Variants in NTRK2 observed in about 807,000 individuals in gnomAD.
The protein encoded by NTRK2 is BDNF/NT-3 growth factors receptor.
A neutral mutation model predicts 94.5 loss-of-function variants in NTRK2; 13 were observed. The observed-to-expected ratio is 0.14, with a 90% CI of 0.09 to 0.22. The LOEUF is 0.22. Ranked by LOEUF, NTRK2 falls within the 10% of genes least tolerant of loss-of-function variation. The pLI is 1.00. For synonymous variants in NTRK2, 372 were observed against 407.4 expected (o/e 0.91, Z 1.05); for missense variants, 639 against 1,071.2 (o/e 0.60, Z 5.63).
chr9:84,709,108 C>T (rs1166184587), intron 5 of NTRK2, among the ~76,000 whole-genome samples: 1 of 152,140 alleles, frequency 6.6e-6, no homozygotes, highest in Non-Finnish European at 1.5e-5. Context: ...TGGCACAGGG[C>T]CATGGGGATA....
chr9:84,771,627 T>C (rs1337381602), intron 12 of NTRK2, among the ~76,000 whole-genome samples: 1 of 152,214 alleles, frequency 6.6e-6, no homozygotes, highest in Non-Finnish European at 1.5e-5. Context: ...ACCTAGTCTT[T>C]CTTTCTGGAA....
At chr9:84,978,873 T>C (rs1827235847) in intron 17 of NTRK2, among the ~76,000 whole-genome samples, 1 of 152,226 alleles carries the variant, frequency 6.6e-6, no homozygotes, top group African/African-American at 2.4e-5. Flanking sequence ...CTAAATCTAC[T>C]CTGCCCATGC....
intron 15 of NTRK2, among the ~76,000 whole-genome samples, chr9:84,944,215 T>TCTCTCTCTCA (rs1440338055): frequency 3.2e-4 from 39 of 120,332 alleles, no homozygotes; most frequent in Non-Finnish European, 5.9e-4. Context: ...TCTCTCTCTC[T>TCTCTCTCTCA]CACACACACA....
intron 14 of NTRK2, among the ~76,000 whole-genome samples, chr9:84,921,287 C>T (rs2077558966): frequency 6.6e-6 from 1 of 152,212 alleles, no homozygotes; most frequent in African/African-American, 2.4e-5. Flanking sequence ...GAGTTTGTAG[C>T]ATGGACTGCA....
chr9:84,811,068 ATACTC>A (rs2071729212), intron 12 of NTRK2: 2 of 1,075,232 alleles, frequency 1.9e-6, no homozygotes, highest in Admixed American at 4.7e-5. Flanking sequence ...GTGATTTTCT[ATACTC>A]TAATCAGCAC....
At chr9:84,991,322 G>C (rs1829037938) in intron 17 of NTRK2, among the ~76,000 whole-genome samples, 1 of 152,198 alleles carries the variant, frequency 6.6e-6, no homozygotes, top group Admixed American at 6.5e-5. Context: ...CGGACACGTT[G>C]CTTCCCTCCG....
intron 14 of NTRK2, among the ~76,000 whole-genome samples, chr9:84,933,069 A>G (rs2078093974): frequency 6.6e-6 from 1 of 152,156 alleles, no homozygotes; most frequent in Non-Finnish European, 1.5e-5. Context: ...AGAGAGGATT[A>G]TGTCATGGGA....
At chr9:84,926,100 CCTTCCTTT>C (rs1387679053) in intron 14 of NTRK2, among the ~76,000 whole-genome samples, 2 of 148,634 alleles carry the variant, frequency 1.3e-5, no homozygotes, top group African/African-American at 5.1e-5. Flanking sequence ...TTCCTTCCTT[CCTTCCTTT>C]CCTTCCTTCC....
At chr9:84,991,794 C>T (rs563962622) in intron 17 of NTRK2, among the ~76,000 whole-genome samples, 4 of 152,256 alleles carry the variant, frequency 2.6e-5, no homozygotes, top group East Asian at 1.9e-4. Context: ...TCCTCTCACA[C>T]GAGGAACAGC....
intron 14 of NTRK2, among the ~76,000 whole-genome samples, chr9:84,914,627 C>G (rs2077340376): frequency 2.0e-5 from 3 of 152,122 alleles, no homozygotes; most frequent in Admixed American, 6.5e-5. Context: ...GGCTTTGTCC[C>G]TATGGTGGTT....
At chr9:84,750,690 C>T (rs1380924573) in intron 11 of NTRK2, among the ~76,000 whole-genome samples, 5 of 152,236 alleles carry the variant, frequency 3.3e-5, no homozygotes, top group Non-Finnish European at 7.3e-5. Context: ...GACTGCAAGG[C>T]TGGCAAAGCC....
At chr9:84,872,599 C>G (rs970125636) in intron 14 of NTRK2, 11 of 1,062,194 alleles carry the variant, frequency 1.0e-5, no homozygotes, top group Non-Finnish European at 9.1e-6. Flanking sequence ...GTAAAGTATT[C>G]TGACTTTTTT....
intron 14 of NTRK2, among the ~76,000 whole-genome samples, chr9:84,905,180 G>A (rs2077035153): frequency 6.6e-6 from 1 of 152,164 alleles, no homozygotes; most frequent in South Asian, 2.1e-4. Flanking sequence ...TCCCTCTGAA[G>A]GGGAAGAAAG....
At chr9:84,822,567 A>T (rs768895333) in intron 12 of NTRK2, among the ~76,000 whole-genome samples, 1 of 152,168 alleles carries the variant, frequency 6.6e-6, no homozygotes, top group Non-Finnish European at 1.5e-5. Flanking sequence ...GAGAGCAAGG[A>T]TCTGTAAGAG....
intron 6 of NTRK2, among the ~76,000 whole-genome samples, chr9:84,717,652 G>A (rs953178175): frequency 1.3e-5 from 2 of 152,206 alleles, no homozygotes; most frequent in Non-Finnish European, 2.9e-5. Context: ...TATTTAGGAT[G>A]ACTGATAAGG....
intron 17 of NTRK2, among the ~76,000 whole-genome samples, chr9:84,992,904 G>GA (rs60802572): frequency 3.4e-5 from 5 of 147,162 alleles, no homozygotes; most frequent in Admixed American, 6.8e-5. Flanking sequence ...AAAGAGTTAA[G>GA]AAAAAAAAAA....
At chr9:84,909,891 A>AT in intron 14 of NTRK2, among the ~76,000 whole-genome samples, 1 of 152,074 alleles carries the variant, frequency 6.6e-6, no homozygotes. Context: ...TCTTTTCATC[A>AT]TTTTAACAGG....
At chr9:84,676,120 A>T (rs1227390039) in intron 2 of NTRK2, among the ~76,000 whole-genome samples, 25 of 152,252 alleles carry the variant, frequency 1.6e-4, no homozygotes, top group Non-Finnish European at 2.9e-5. Flanking sequence ...ACCACTACCC[A>T]GTCACTACCC....
chr9:84,789,078 G>A (rs1209987160), intron 12 of NTRK2, among the ~76,000 whole-genome samples: 2 of 152,176 alleles, frequency 1.3e-5, no homozygotes, highest in African/African-American at 4.8e-5. Flanking sequence ...GAGTGGCAAA[G>A]CAGAAAAGCC....
Sources: allele counts gnomAD v4.1 joint callset (sites outside exome capture counted in the v4.1 genomes callset), GRCh38; gene constraint gnomAD v4.1.1; transcripts MANE v1.5; gene names NCBI Gene and HGNC (gene_info 2026-07-23, HGNC 2026-07-21).